Variants in TUBB8 observed in about 807,000 individuals in gnomAD.
TUBB8 encodes tubulin beta-8 chain.
In TUBB8, 25 loss-of-function variants were observed where a neutral mutation model predicts 33.7. The ratio of observed to expected loss-of-function variants is 0.74; its 90% CI spans 0.54 to 1.04. TUBB8 has a LOEUF of 1.04. Ranked by LOEUF, TUBB8 falls within the 50% of genes least tolerant of loss-of-function variation. TUBB8 has a pLI of 0.00. For synonymous variants in TUBB8, 245 were observed against 240.1 expected (o/e 1.02, Z -0.19); for missense variants, 279 against 608.0 (o/e 0.46, Z 5.69).
At chr10:46,692 C>A (rs1262598805), downstream of TUBB8, 2 of 318,888 alleles carry the variant, frequency 6.3e-6, no homozygotes, top group East Asian at 6.9e-5. Flanking sequence ...ACGTCACTGC[C>A]CAAGGCCCAG....
At chr10:64,077 C>T (rs1406075182) in intron 1 of TUBB8, among the ~76,000 whole-genome samples, 9 of 152,092 alleles carry the variant, frequency 5.9e-5, no homozygotes, top group South Asian at 4.1e-4. Flanking sequence ...TGTTCTCTTC[C>T]CTTTCTTTCT....
intron 1 of TUBB8, among the ~76,000 whole-genome samples, chr10:62,665 AG>A (rs1554741060): frequency 6.6e-6 from 1 of 152,244 alleles, no homozygotes; most frequent in Non-Finnish European, 1.5e-5. Flanking sequence ...CATTTCTTGT[AG>A]GACAGGTCTG....
upstream of TUBB8, among the ~76,000 whole-genome samples, chr10:74,944 G>C (rs1290807007): frequency 1.4e-5 from 2 of 142,234 alleles, no homozygotes; most frequent in Admixed American, 7.4e-5. Flanking sequence ...GCGCGATCTT[G>C]GCTCACTGCA....
chr10:65,508 T>G (rs1834659101), intron 1 of TUBB8, among the ~76,000 whole-genome samples: 1 of 152,246 alleles, frequency 6.6e-6, no homozygotes, highest in South Asian at 2.1e-4. Context: ...ACAGATCACC[T>G]GAGGTCAGGA....
At position 67,567 on chromosome 10, in the gene TUBB8, T is replaced by G. The variant is rs11253133; in HGVS notation, c.-846+6402A>C. On this transcript the variant is annotated intron_variant, in intron 1 of 3. Transcript: ENST00000564130. The stretch of plus-strand genomic sequence containing the variant: ...AGCCTCCCAAGTAGCTAGGATTACA[T>G]GCGCATGCCACGATCCCTGGCTAAT... 2.7e-3 allele frequency among the ~76,000 whole-genome samples: 405 copies of G among 152,180 alleles called. 2 individuals are homozygous for G. Among genetic ancestry groups the G allele is most frequent in the Admixed American group, 6.0e-3 (92 of 15,276 alleles).
intron 1 of TUBB8, among the ~76,000 whole-genome samples, chr10:56,394 C>T (rs28873089): frequency 1.3e-3 from 171 of 136,024 alleles, no homozygotes; most frequent in Middle Eastern, 4.1e-3. Context: ...GCCATTCTCA[C>T]ATTGCTGTAA....
chr10:61,312 T>C (rs1359103585), intron 1 of TUBB8, among the ~76,000 whole-genome samples: 1 of 152,264 alleles, frequency 6.6e-6, no homozygotes, highest in African/African-American at 2.4e-5. Context: ...GCTATGTTTC[T>C]ATTATTTGTT....
upstream of TUBB8, chr10:49,569 G>A: frequency 1.8e-6 from 1 of 564,396 alleles, no homozygotes; most frequent in Non-Finnish European, 3.4e-6. Context: ...CCATGTGGGA[G>A]GGGAAGACTC....
At chr10:50,631 C>G (rs1834455683), upstream of TUBB8, among the ~76,000 whole-genome samples, 1 of 152,184 alleles carries the variant, frequency 6.6e-6, no homozygotes, top group African/African-American at 2.4e-5. Context: ...TGGAAAAGCC[C>G]TTGGGGGTCA....
chr10:57,823 A>G (rs1554740378), intron 1 of TUBB8, among the ~76,000 whole-genome samples: 1 of 137,334 alleles, frequency 7.3e-6, no homozygotes, highest in Non-Finnish European at 1.6e-5. Flanking sequence ...CTTTTTTTTT[A>G]AGTTATACAA....
Position 47,084 on chromosome 10 carries a change from C to T in TUBB8, c.1308G>A (p.Glu436=). 7.5e-7 allele frequency: 1 copy of T among 1,341,834 alleles called. No individual in the cohort carries two copies. The highest frequency in any genetic ancestry group is 1.1e-6 in the Non-Finnish European group (1 of 943,472). 83.1% of individuals were successfully genotyped at this position (1,341,834 alleles called of 1,614,324 possible). A position where few individuals can be genotyped will look rare whatever the true frequency, so the allele number is the denominator to read the frequency against. The change falls in exon 4 of 4, where the codon GAG becomes GAA. Residue 436 remains glutamate (E), a synonymous_variant. Transcript: ENST00000568584. ...AGGCCACCTCCTCCTCGGCATACTCCTCATCCTCCTCCTCCTCGGCCGTGG... is the reference window on the plus strand; with the variant it reads ...AGGCCACCTCCTCCTCGGCATACTCTTCATCCTCCTCCTCCTCGGCCGTGG... The part of the protein sequence containing the change: ...QDATAEEEED[E]EYAEEEVA
chr10:59,198 C>CT (rs782055045), intron 1 of TUBB8, among the ~76,000 whole-genome samples: 5 of 150,436 alleles, frequency 3.3e-5, no homozygotes, highest in African/African-American at 9.8e-5. Context: ...TTTTGTCCTT[C>CT]TTTTTTTTGA....
chr10:55,204 G>C (rs1554740034), intron 1 of TUBB8, among the ~76,000 whole-genome samples: 2 of 152,210 alleles, frequency 1.3e-5, no homozygotes, highest in African/African-American at 2.4e-5. Flanking sequence ...GTGAAGCAAA[G>C]GGGGAAGAGC....
chr10:72,393 T>C (rs1312364277), intron 1 of TUBB8, among the ~76,000 whole-genome samples: 58 of 151,626 alleles, frequency 3.8e-4, no homozygotes, highest in African/African-American at 1.4e-3. Flanking sequence ...ACCCCACCTC[T>C]ATTAAAAATA....
At chr10:61,243 T>G (rs1160026901) in intron 1 of TUBB8, among the ~76,000 whole-genome samples, 6 of 152,026 alleles carry the variant, frequency 3.9e-5, no homozygotes, top group Admixed American at 1.3e-4. Context: ...GAAAAATAAA[T>G]AAAGAAATTT....
Position 47,918 on chromosome 10 carries a change from C to T in TUBB8, c.474G>A (p.Glu158=), listed in dbSNP as rs1554738462. The change falls in exon 4 of 4, where the codon GAG becomes GAA. Residue 158 remains glutamate, a synonymous_variant. Coordinates refer to ENST00000568584, the MANE Select transcript of TUBB8 (RefSeq NM_177987.3). ...ATGTGTTTATGATCCTGTCTGGGTACTCCTCCCGGATCTTACTGAGCAGAA... is the reference window on the plus strand; with the variant it reads ...ATGTGTTTATGATCCTGTCTGGGTATTCCTCCCGGATCTTACTGAGCAGAA... ...GTLLLSKIRE[E]YPDRIINTFS... The T allele has an allele frequency of 6.2e-7, 1 of 1,614,074 alleles. No homozygotes were observed. Among genetic ancestry groups the T allele is most frequent in the African/African-American group, 1.3e-5 (1 of 74,960 alleles).
intron 1 of TUBB8, among the ~76,000 whole-genome samples, chr10:72,592 G>A (rs12356663): frequency 0.26 from 39,550 of 149,866 alleles, 5,097 homozygotes; most frequent in Middle Eastern, 0.4. Context: ...AGTGGCTCAC[G>A]CATGTAATCC....
Position 47,410 on chromosome 10 carries a change from C to A in TUBB8, c.982G>T (p.Glu328Ter). ...RGRMPMREVD[E>*]QMFNIQDKNS... is the part of the protein sequence containing the mutation. The stretch of plus-strand genomic sequence containing the variant: ...TTATCTTGAATGTTGAACATTTGTT[C>A]ATCCACCTCCCTCATGGGCATGCGA... The change falls in exon 4 of 4, where the codon GAA becomes TAA. Residue 328 changes from glutamate (E) to a stop codon, truncating the protein, a stop_gained. Coordinates refer to ENST00000568584, the MANE Select transcript of TUBB8 (RefSeq NM_177987.3). LOFTEE classifies it high-confidence loss of function. The A allele has an allele frequency of 3.1e-6, 5 of 1,612,488 alleles. No homozygotes were observed. The highest frequency in any genetic ancestry group is 4.2e-6 in the Non-Finnish European group (5 of 1,179,944).
Position 48,786 on chromosome 10 carries a change from G to C in TUBB8, c.166+18C>G. On this transcript the variant is annotated intron_variant, in intron 2 of 3. Transcript: ENST00000568584. Reference sequence around the variant, plus strand: ...CCGCGTTCCCAGGAGGGCGGTGGGGGAAGGACGGGGGTCTCACCGCTGGCC... The same window carrying C: ...CCGCGTTCCCAGGAGGGCGGTGGGGCAAGGACGGGGGTCTCACCGCTGGCC... 1 of 1,610,250 alleles carries C rather than the reference G, an allele frequency of 6.2e-7. No individual in the cohort carries two copies. The highest frequency in any genetic ancestry group is 8.5e-7 in the Non-Finnish European group (1 of 1,178,142).
Sources: allele counts gnomAD v4.1 joint callset (sites outside exome capture counted in the v4.1 genomes callset), GRCh38; gene constraint gnomAD v4.1.1; transcripts MANE v1.5; gene names NCBI Gene and HGNC (gene_info 2026-07-23, HGNC 2026-07-21).